TRIM36: variants seen among roughly 807,000 people sequenced by gnomAD.
The protein encoded by TRIM36 is tripartite motif containing 36.
Under a neutral mutation model 72.4 loss-of-function variants are expected in TRIM36, and 42 were observed. That is an observed-to-expected ratio of 0.58 (90% CI 0.45 to 0.75). TRIM36 has a LOEUF of 0.75. TRIM36 is among the 30% of genes least tolerant of loss of function. The pLI is 0.00. For synonymous variants in TRIM36, 315 were observed against 282.8 expected, an observed-to-expected ratio of 1.11 and a Z score of -1.14; for missense variants, 913 against 857.1, an observed-to-expected ratio of 1.07 and a Z score of -0.81.
At chr5:115,156,300 T>G (rs892071432) in intron 2 of TRIM36, among the ~76,000 whole-genome samples, 5 of 145,990 alleles carry the variant, frequency 3.4e-5, no homozygotes, top group Non-Finnish European at 7.6e-5. Flanking sequence ...CATCACAAAT[T>G]AAAAAAAAAA....
At chr5:115,128,758 C>CAAAAAAAAAAAAAAAAAAGAAAAAAAA (rs1752498883) in intron 9 of TRIM36, among the ~76,000 whole-genome samples, 1 of 47,022 alleles carries the variant, frequency 2.1e-5, no homozygotes, top group Non-Finnish European at 4.1e-5. Context: ...GACTCCGTCT[C>CAAAAAAAAAAAAAAAAAAGAAAAAAAA]AAAAAAAAAA....
upstream of TRIM36, chr5:115,171,164 A>G (rs772764902): frequency 1.2e-6 from 2 of 1,614,182 alleles, no homozygotes; most frequent in East Asian, 2.2e-5. Flanking sequence ...CGCTGTGGCA[A>G]GTTCCGTCGT....
chr5:115,179,540 C>T (rs1755512843), intron 1 of TRIM36, among the ~76,000 whole-genome samples: 2 of 152,274 alleles, frequency 1.3e-5, no homozygotes, highest in Non-Finnish European at 1.5e-5. Flanking sequence ...CACTTCGAGC[C>T]TGTTCACTCG....
At chr5:115,147,521 A>C (rs1753658851) in intron 2 of TRIM36, 127 bp from the exon 3 acceptor site, 2 of 1,137,720 alleles carry the variant, frequency 1.8e-6, no homozygotes, top group Non-Finnish European at 2.5e-6. Context: ...AAGTGGCTCC[A>C]CGTGAAATTT....
chr5:115,142,093 A>G (rs1753308415), intron 4 of TRIM36, among the ~76,000 whole-genome samples: 1 of 152,192 alleles, frequency 6.6e-6, no homozygotes, highest in African/African-American at 2.4e-5. Context: ...GTTGTAACAG[A>G]AAAATGTATT....
chr5:115,127,607 T>G (rs1028448130), intron 9 of TRIM36, among the ~76,000 whole-genome samples: 11 of 152,202 alleles, frequency 7.2e-5, no homozygotes, highest in African/African-American at 2.7e-4. Context: ...CTTAGTGACG[T>G]GGTAGCCACT....
At chr5:115,168,638 C>T (rs1754915949) in intron 1 of TRIM36, among the ~76,000 whole-genome samples, 2 of 152,198 alleles carry the variant, frequency 1.3e-5, no homozygotes, top group South Asian at 4.1e-4. Context: ...TCTCTTGCTG[C>T]ATCACTCAAA....
intron 1 of TRIM36, among the ~76,000 whole-genome samples, chr5:115,178,077 T>A (rs1341075952): frequency 6.6e-6 from 1 of 152,172 alleles, no homozygotes; most frequent in African/African-American, 2.4e-5. Flanking sequence ...TCATAGGACA[T>A]CCATCAGTCG....
At chr5:115,177,438 T>C in intron 1 of TRIM36, 1 of 960,140 alleles carries the variant, frequency 1.0e-6, no homozygotes, top group Non-Finnish European at 1.3e-6. Flanking sequence ...TTAACTCTCA[T>C]AATTAGACCA....
chr5:115,139,524 CCT>C (rs1390172249), intron 5 of TRIM36, among the ~76,000 whole-genome samples: 1 of 152,230 alleles, frequency 6.6e-6, no homozygotes, highest in Non-Finnish European at 1.5e-5. Context: ...TTCCAGATCT[CCT>C]GTTTCCTAAC....
rs1302827522 is a variant in TRIM36 at position 115,163,770 on chromosome 5, C to T, written c.28-18G>A. 7 of 1,604,542 alleles carry T rather than the reference C, an allele frequency of 4.4e-6. No homozygotes were observed. The highest frequency in any genetic ancestry group is 5.1e-6 in the Non-Finnish European group (6 of 1,171,724). On this transcript the variant is annotated intron_variant, in intron 1 of 9. Coordinates refer to ENST00000513154, the MANE Select transcript of TRIM36 (RefSeq NM_001300759.2). Reference sequence around the variant, plus strand: ...ATGGTAACCTTGAGAGTAAAATAGTCCAAGTTAAAGGCTCTTAGTGGGTAA... The same window carrying T: ...ATGGTAACCTTGAGAGTAAAATAGTTCAAGTTAAAGGCTCTTAGTGGGTAA...
At chr5:115,165,470 A>T (rs112066214) in intron 1 of TRIM36, among the ~76,000 whole-genome samples, 66 of 152,302 alleles carry the variant, frequency 4.3e-4, no homozygotes, top group African/African-American at 1.6e-3. Flanking sequence ...ACCATGTGTA[A>T]GCCACCAAGG....
At chr5:115,159,307 A>G (rs1754349839) in intron 2 of TRIM36, among the ~76,000 whole-genome samples, 1 of 152,250 alleles carries the variant, frequency 6.6e-6, no homozygotes, top group Non-Finnish European at 1.5e-5. Context: ...AAATGTAGCA[A>G]TATCAAGCTT....
At chr5:115,176,389 A>ATT (rs1371657820) in intron 1 of TRIM36, among the ~76,000 whole-genome samples, 1 of 152,064 alleles carries the variant, frequency 6.6e-6, no homozygotes, top group Non-Finnish European at 1.5e-5. Flanking sequence ...AAATTCTTGA[A>ATT]TTTTTTGTGC....
At chr5:115,171,257 G>T, upstream of TRIM36, 5 of 1,611,868 alleles carry the variant, frequency 3.1e-6, no homozygotes, top group Non-Finnish European at 4.2e-6. Flanking sequence ...AACACTGAGG[G>T]ACTATAGCAA....
chr5:115,169,575 C>G (rs1754983231), intron 1 of TRIM36, 33 bp downstream of exon 1: 1 of 1,504,442 alleles, frequency 6.6e-7, no homozygotes, highest in African/African-American at 1.4e-5. Context: ...ACACCGCCCT[C>G]GAGGTGGGGG....
At chr5:115,164,279 C>T (rs772945694) in intron 1 of TRIM36, among the ~76,000 whole-genome samples, 27 of 152,134 alleles carry the variant, frequency 1.8e-4, no homozygotes, top group Admixed American at 1.5e-3. Context: ...ACATTAAATG[C>T]GACCATTCTT....
upstream of TRIM36, among the ~76,000 whole-genome samples, chr5:115,174,574 CAG>C (rs1022858215): frequency 2.6e-5 from 4 of 152,158 alleles, no homozygotes; most frequent in Non-Finnish European, 5.9e-5. Context: ...GGAACAAAGT[CAG>C]GGGAGAGGAG....
At chr5:115,160,493 G>A (rs188959813) in intron 2 of TRIM36, among the ~76,000 whole-genome samples, 238 of 152,224 alleles carry the variant, frequency 1.6e-3, no homozygotes, top group South Asian at 2.9e-3. Flanking sequence ...CATGTGGCTA[G>A]TGGCTACCAT....
Sources: allele counts gnomAD v4.1 joint callset (sites outside exome capture counted in the v4.1 genomes callset), GRCh38; gene constraint gnomAD v4.1.1; transcripts MANE v1.5; gene names NCBI Gene and HGNC (gene_info 2026-07-23, HGNC 2026-07-21).